Variants in ESRP1 observed in about 807,000 individuals in gnomAD.
ESRP1 encodes the protein RNA-binding motif protein 35A.
ESRP1 carries 33 observed loss-of-function variants against 81.7 expected under a neutral mutation model. The ratio of observed to expected loss-of-function variants is 0.40; its 90% CI spans 0.31 to 0.54. The LOEUF (loss-of-function observed/expected upper bound fraction) is 0.54, where lower values mean the gene tolerates loss of function less well. ESRP1 is among the 20% of genes least tolerant of loss of function. ESRP1 has a pLI of 0.41. For missense variants in ESRP1, 672 were observed against 833.1 expected (o/e 0.81, Z 2.38); for synonymous variants, 320 against 303.3 (o/e 1.06, Z -0.57).
intron 15 of ESRP1, among the ~76,000 whole-genome samples, chr8:94,701,937 G>A (rs1055581330): frequency 1.3e-5 from 2 of 152,188 alleles, no homozygotes; most frequent in Non-Finnish European, 2.9e-5. Context: ...AGATAGCCAG[G>A]TGTCGTCATG....
intron 13 of ESRP1, among the ~76,000 whole-genome samples, chr8:94,691,906 G>A (rs1809416689): frequency 6.6e-6 from 1 of 151,882 alleles, no homozygotes; most frequent in Admixed American, 6.6e-5. Flanking sequence ...TTTAATAATG[G>A]CCACCAATTG....
At chr8:94,692,863 T>G in intron 14 of ESRP1, 36 bp downstream of exon 14, 1 of 1,592,994 alleles carries the variant, frequency 6.3e-7, no homozygotes, top group Non-Finnish European at 8.6e-7. Flanking sequence ...CTCAGTGCCC[T>G]TATTACTTAA....
chr8:94,657,468 TGTGC>T (rs1818484717), intron 4 of ESRP1, among the ~76,000 whole-genome samples: 1 of 101,156 alleles, frequency 9.9e-6, no homozygotes, highest in Non-Finnish European at 2.1e-5. Context: ...ATTGAGGCTG[TGTGC>T]GTGTGTGTGT....
intron 15 of ESRP1, 78 bp from the exon 16 acceptor site, chr8:94,705,847 C>A: frequency 1.6e-6 from 2 of 1,280,788 alleles, no homozygotes; most frequent in Non-Finnish European, 2.1e-6. Context: ...AATTTGAAAT[C>A]ATTTTTGTGG....
intron 5 of ESRP1, 43 bp downstream of exon 5, chr8:94,662,413 T>A (rs2130606445): frequency 6.5e-7 from 1 of 1,533,038 alleles, no homozygotes; most frequent in East Asian, 2.3e-5. Context: ...GAATTCATAC[T>A]ATTTTTCTCT....
chr8:94,680,839 C>G (rs889872341), intron 13 of ESRP1, among the ~76,000 whole-genome samples: 1 of 152,150 alleles, frequency 6.6e-6, no homozygotes, highest in African/African-American at 2.4e-5. Flanking sequence ...AGTGGGAAAT[C>G]TGAAACAGCA....
At chr8:94,647,408 C>G (rs4247284) in intron 4 of ESRP1, among the ~76,000 whole-genome samples, 89,338 of 151,712 alleles carry the variant, frequency 0.59, 29,506 homozygotes, top group South Asian at 0.81. Flanking sequence ...ATAACAAATA[C>G]CATAGACCAC....
intron 10 of ESRP1, 53 bp from the exon 11 acceptor site, chr8:94,671,400 A>G: frequency 6.7e-7 from 1 of 1,486,864 alleles, no homozygotes; most frequent in Non-Finnish European, 9.1e-7. Context: ...TGATCTGCAG[A>G]AAGCAGGGGA....
intron 14 of ESRP1, among the ~76,000 whole-genome samples, chr8:94,695,605 C>A (rs925401023): frequency 6.6e-6 from 1 of 150,682 alleles, no homozygotes; most frequent in Non-Finnish European, 1.5e-5. Flanking sequence ...CCTCGTGACC[C>A]GCCTGCGTTG....
chr8:94,643,831 T>C (rs944025482), intron 3 of ESRP1, among the ~76,000 whole-genome samples: 1 of 152,238 alleles, frequency 6.6e-6, no homozygotes, highest in Non-Finnish European at 1.5e-5. Flanking sequence ...AACTATTCTT[T>C]AGTATGTCAT....
At chr8:94,693,392 T>C (rs1005044583) in intron 14 of ESRP1, among the ~76,000 whole-genome samples, 1 of 152,198 alleles carries the variant, frequency 6.6e-6, no homozygotes, top group African/African-American at 2.4e-5. Context: ...CTCTTGGCAG[T>C]TTTTTTCTAC....
chr8:94,648,860 T>G (rs1398523819), intron 4 of ESRP1, among the ~76,000 whole-genome samples: 1 of 152,252 alleles, frequency 6.6e-6, no homozygotes, highest in African/African-American at 2.4e-5. Context: ...GATGTCACAA[T>G]ATTCTAAGTG....
At chr8:94,657,602 C>T (rs556740244) in intron 4 of ESRP1, among the ~76,000 whole-genome samples, 10 of 151,930 alleles carry the variant, frequency 6.6e-5, no homozygotes, top group Middle Eastern at 3.4e-3. Flanking sequence ...TCCTGGTGTG[C>T]GATGGCTCAA....
chr8:94,681,085 G>A (rs1808854264), intron 13 of ESRP1, among the ~76,000 whole-genome samples: 2 of 150,336 alleles, frequency 1.3e-5, no homozygotes, highest in African/African-American at 2.5e-5. Flanking sequence ...CAGCACTTTG[G>A]GAGGCCAAGG....
chr8:94,692,620 A>G (rs1049986625), intron 13 of ESRP1, 57 bp from the exon 14 acceptor site: 30 of 1,528,344 alleles, frequency 2.0e-5, no homozygotes, highest in Non-Finnish European at 2.3e-5. Flanking sequence ...ATGTTTTTAT[A>G]GTAAGTATTC....
intron 3 of ESRP1, among the ~76,000 whole-genome samples, 174 bp downstream of exon 3, chr8:94,643,590 G>A (rs1256460707): frequency 6.6e-6 from 1 of 152,176 alleles, no homozygotes; most frequent in Non-Finnish European, 1.5e-5. Context: ...GAAATGGATG[G>A]TGTTTATGGT....
chr8:94,705,688 G>A (rs1586277506), intron 15 of ESRP1: 2 of 499,418 alleles, frequency 4.0e-6, no homozygotes, highest in Non-Finnish European at 3.6e-6. Context: ...GGTAGGAGTG[G>A]TGCAGAACGC....
At chr8:94,655,553 C>A (rs1350951369) in intron 4 of ESRP1, among the ~76,000 whole-genome samples, 2 of 152,010 alleles carry the variant, frequency 1.3e-5, no homozygotes, top group East Asian at 1.9e-4. Flanking sequence ...TCCTTCAAAG[C>A]TCACTTTAAA....
At chr8:94,672,707 A>G (rs549487216) in intron 11 of ESRP1, among the ~76,000 whole-genome samples, 1 of 152,104 alleles carries the variant, frequency 6.6e-6, no homozygotes. Flanking sequence ...TAATTTTGGT[A>G]TTTTTAGTAG....
Sources: allele counts gnomAD v4.1 joint callset (sites outside exome capture counted in the v4.1 genomes callset), GRCh38; gene constraint gnomAD v4.1.1; transcripts MANE v1.5; gene names NCBI Gene and HGNC (gene_info 2026-07-23, HGNC 2026-07-21).